JARID2: variants seen among roughly 807,000 people sequenced by gnomAD.
JARID2 encodes jumonji and AT-rich interaction domain containing 2, also known as protein Jumonji.
JARID2 carries 21 observed loss-of-function variants against 125.6 expected under a neutral mutation model. That is an observed-to-expected ratio of 0.17 (90% CI 0.12 to 0.24). The LOEUF is 0.24. JARID2 is among the 10% of genes least tolerant of loss of function. The probability of loss-of-function intolerance (pLI) is 1.00; values close to 1 mark genes in which losing one functional copy is unlikely to be tolerated. For synonymous variants in JARID2, 736 were observed against 661.6 expected (o/e 1.11, Z -1.73); for missense variants, 1,303 against 1,639.6 (o/e 0.79, Z 3.55).
rs1454606805 is a variant in JARID2, at chr6:15,286,750, TA to T, written c.45+40167del. Among the ~76,000 whole-genome samples, 3 of 151,204 alleles carry T rather than the reference TA, an allele frequency of 2.0e-5. No homozygotes were observed. The South Asian group carries it at 6.3e-4, about 32-fold the overall frequency. ...GGTGGCAGGCGCCTGTAGTCCCAGC[TA>T]CTTGGGAGGCTGAGGCAGGAGAATG... On this transcript the variant is annotated intron_variant, in intron 1 of 17. Transcript: ENST00000341776.
At chr6:15,258,013 A>T (rs772761616) in intron 1 of JARID2, among the ~76,000 whole-genome samples, 2 of 152,196 alleles carry the variant, frequency 1.3e-5, no homozygotes, top group Admixed American at 1.3e-4. Flanking sequence ...TCTTATATGT[A>T]TGAAATGCTT....
At position 15,487,344 on chromosome 6, in the gene JARID2, A is replaced by G. The variant is rs772715461; in HGVS notation, c.708A>G (p.Glu236=). 10 of 1,614,152 alleles carry G rather than the reference A, an allele frequency of 6.2e-6. No homozygotes were observed. In the South Asian group the frequency reaches 8.8e-5, roughly 14 times the overall value. The change falls in exon 6 of 18, where the codon GAA becomes GAG. Residue 236 remains glutamate, a synonymous_variant. Coordinates refer to ENST00000341776, the MANE Select transcript of JARID2 (RefSeq NM_004973.4). ...NGSSRSTREK[E]PVQKHKSKEA... is the part of the protein sequence containing the mutation. ...CCAGCAGGTCAACACGGGAGAAGGA[A>G]CCTGTTCAAAAACACAAAAGCAAAG...
Position 15,355,808 on chromosome 6 carries a change from G to A in JARID2, c.46-18309G>A, listed in dbSNP as rs368577056. On this transcript the variant is annotated intron_variant, in intron 1 of 17. Transcript: ENST00000341776. ...TGTATTTTTAGTAGAGACGGGTTTT[G>A]CCATGTTGGCCAGGCTGGTCTCAAA... 1.2e-4 allele frequency among the ~76,000 whole-genome samples: 19 copies of A among 152,244 alleles called. No homozygotes were observed. In the East Asian group the frequency reaches 3.5e-3, roughly 28 times the overall value.
At chr6:15,315,255 T>A (rs1762140645) in intron 1 of JARID2, among the ~76,000 whole-genome samples, 1 of 152,222 alleles carries the variant, frequency 6.6e-6, no homozygotes, top group African/African-American at 2.4e-5. Context: ...TAGACATGTT[T>A]TTATTGCAAA....
intron 1 of JARID2, among the ~76,000 whole-genome samples, chr6:15,286,250 G>T (rs577749893): frequency 6.0e-5 from 9 of 149,632 alleles, no homozygotes; most frequent in African/African-American, 2.3e-4. Context: ...ATAATTGGAA[G>T]AATTCTTTTT....
intron 3 of JARID2, among the ~76,000 whole-genome samples, chr6:15,415,868 G>C (rs926701615): frequency 6.1e-5 from 9 of 148,708 alleles, no homozygotes; most frequent in Admixed American, 1.3e-4. Context: ...CTGGGCGGGG[G>C]CTGACCCCCA....
At chr6:15,310,475 A>G (rs904811765) in intron 1 of JARID2, among the ~76,000 whole-genome samples, 2 of 152,238 alleles carry the variant, frequency 1.3e-5, no homozygotes, top group African/African-American at 4.8e-5. Flanking sequence ...TGCGAGCTGA[A>G]TTAAACAAGG....
chr6:15,486,208 T>C (rs1561895971), intron 5 of JARID2, among the ~76,000 whole-genome samples: 1 of 152,222 alleles, frequency 6.6e-6, no homozygotes, highest in South Asian at 2.1e-4. Flanking sequence ...TTTGGACTGT[T>C]TGTGGGGAGA....
chr6:15,514,524 C>T (rs1378856008), intron 16 of JARID2, among the ~76,000 whole-genome samples: 4 of 152,182 alleles, frequency 2.6e-5, no homozygotes, highest in Admixed American at 6.5e-5. Flanking sequence ...AGACCCGGGT[C>T]GACTCTCCTT....
At chr6:15,417,810 G>C (rs1766302560) in intron 3 of JARID2, among the ~76,000 whole-genome samples, 1 of 152,196 alleles carries the variant, frequency 6.6e-6, no homozygotes, top group Non-Finnish European at 1.5e-5. Flanking sequence ...CTGTATGTTA[G>C]ATGTTAGTAG....
rs1025628126 is a variant in JARID2 at position 15,391,193 on chromosome 6, C to A, written c.181+16941C>A. The stretch of plus-strand genomic sequence containing the variant: ...CAATGTCTTGTAATCAGGCCTCACC[C>A]TAGGGCTTGGCGAGCTGAGACTGCT... On this transcript the variant is annotated intron_variant, in intron 2 of 17. Transcript: ENST00000341776. Among the ~76,000 whole-genome samples the A allele has an allele frequency of 2.6e-5, 4 of 152,164 alleles. No individual in the cohort carries two copies. The East Asian group carries it at 7.7e-4, about 29-fold the overall frequency.
intron 1 of JARID2, among the ~76,000 whole-genome samples, chr6:15,332,767 G>GT (rs1343259692): frequency 6.6e-6 from 1 of 151,726 alleles, no homozygotes; most frequent in African/African-American, 2.4e-5. Flanking sequence ...GTGTGTGTTT[G>GT]TCCTAAGAAA....
intron 7 of JARID2, among the ~76,000 whole-genome samples, chr6:15,499,637 G>T (rs1205511318): frequency 6.6e-6 from 1 of 152,138 alleles, no homozygotes; most frequent in African/African-American, 2.4e-5. Flanking sequence ...CAGAGCCACC[G>T]TGAGTCCCAC....
chr6:15,413,008 G>GC (rs1491143647), intron 3 of JARID2, among the ~76,000 whole-genome samples: 1 of 47,474 alleles, frequency 2.1e-5, no homozygotes, highest in Non-Finnish European at 3.7e-5. Context: ...TTGTGTTTTT[G>GC]TTTTTTTTTT....
intron 6 of JARID2, among the ~76,000 whole-genome samples, chr6:15,491,586 G>C (rs1318546176): frequency 2.6e-5 from 4 of 152,274 alleles, no homozygotes; most frequent in Non-Finnish European, 5.9e-5. Flanking sequence ...TGGAGAAGAA[G>C]AACTTGCCAG....
At chr6:15,519,466 C>T (rs13195366) in intron 17 of JARID2, among the ~76,000 whole-genome samples, 1 of 152,104 alleles carries the variant, frequency 6.6e-6, no homozygotes, top group Non-Finnish European at 1.5e-5. Context: ...CAGCATGGTT[C>T]CCAGCCACCC....
intron 12 of JARID2, chr6:15,509,144 G>C: frequency 1.6e-6 from 2 of 1,287,004 alleles, no homozygotes; most frequent in Non-Finnish European, 2.0e-6. Flanking sequence ...ATCCCTGATT[G>C]AGGCTGGGTC....
intron 1 of JARID2, among the ~76,000 whole-genome samples, chr6:15,336,293 C>T (rs1440893725): frequency 6.6e-6 from 1 of 152,218 alleles, no homozygotes; most frequent in Non-Finnish European, 1.5e-5. Context: ...TTTAACAACA[C>T]TGGTGGTTCA....
intron 1 of JARID2, among the ~76,000 whole-genome samples, chr6:15,338,402 C>T (rs1426589792): frequency 6.6e-6 from 1 of 152,204 alleles, no homozygotes; most frequent in Non-Finnish European, 1.5e-5. Flanking sequence ...AAAGGTTTAG[C>T]CAAATTACGA....
Sources: allele counts gnomAD v4.1 joint callset (sites outside exome capture counted in the v4.1 genomes callset), GRCh38; gene constraint gnomAD v4.1.1; transcripts MANE v1.5; gene names NCBI Gene and HGNC (gene_info 2026-07-23, HGNC 2026-07-21).